MCTP1: variants seen among roughly 807,000 people sequenced by gnomAD.
MCTP1 encodes multiple C2 and transmembrane domain-containing protein 1.
MCTP1 carries 69 observed loss-of-function variants against 120.6 expected under a neutral mutation model. That is an observed-to-expected ratio of 0.57 (90% CI 0.47 to 0.70). The LOEUF (loss-of-function observed/expected upper bound fraction) is 0.70, where lower values mean the gene tolerates loss of function less well. MCTP1 is among the 30% of genes least tolerant of loss of function. The probability of loss-of-function intolerance (pLI) is 0.00; values close to 1 mark genes in which losing one functional copy is unlikely to be tolerated. For synonymous variants in MCTP1, 529 were observed against 493.1 expected (o/e 1.07, Z -0.96); for missense variants, 1,203 against 1,248.8 (o/e 0.96, Z 0.55).
At chr5:95,197,215 G>A (rs1750493920) in intron 1 of MCTP1, among the ~76,000 whole-genome samples, 1 of 152,146 alleles carries the variant, frequency 6.6e-6, no homozygotes, top group Admixed American at 6.5e-5. Flanking sequence ...GCAAAAACAA[G>A]TTATTTTTCA....
intron 1 of MCTP1, among the ~76,000 whole-genome samples, chr5:95,072,895 G>A (rs998414531): frequency 6.6e-6 from 1 of 151,978 alleles, no homozygotes; most frequent in East Asian, 1.9e-4. Context: ...ACAGGTGCCG[G>A]CCACCATACC....
At position 94,912,977 on chromosome 5, in the gene MCTP1, CT is replaced by C; in HGVS notation, c.1351-2del. On this transcript the variant is annotated splice_acceptor_variant, in intron 8 of 22. Transcript: ENST00000515393. LOFTEE classifies it high-confidence loss of function. ...ATAGGCGTAAACTTTGGGTCTGAAA[CT>C]TTTGGCAAATGAAAATTGAGTTAGG... is the stretch of plus-strand genomic sequence containing the variant. 1 of 1,584,510 alleles carries C rather than the reference CT, an allele frequency of 6.3e-7. No homozygotes were observed. The highest frequency in any genetic ancestry group is 2.4e-5 in the East Asian group (1 of 41,614).
At chr5:94,796,613 TAA>T (rs557522881) in intron 18 of MCTP1, among the ~76,000 whole-genome samples, 1,221 of 94,376 alleles carry the variant, frequency 0.013, 9 homozygotes, top group Middle Eastern at 0.051. Flanking sequence ...ATAATATATA[TAA>T]TATATATAAT....
At chr5:94,769,480 C>T (rs535199820) in intron 19 of MCTP1, among the ~76,000 whole-genome samples, 1 of 151,900 alleles carries the variant, frequency 6.6e-6, no homozygotes, top group Admixed American at 6.6e-5. Flanking sequence ...AGGTACAATT[C>T]TTATATATCA....
chr5:95,249,789 A>G (rs935487291), intron 1 of MCTP1, among the ~76,000 whole-genome samples: 3 of 152,224 alleles, frequency 2.0e-5, no homozygotes, highest in Non-Finnish European at 4.4e-5. Flanking sequence ...TGGATTAAGA[A>G]AATGTGGCAC....
chr5:94,747,217 G>GA (rs768254782), intron 19 of MCTP1, among the ~76,000 whole-genome samples: 6 of 152,078 alleles, frequency 3.9e-5, no homozygotes, highest in Non-Finnish European at 7.4e-5. Flanking sequence ...TTCTGTAATG[G>GA]AAAACTGATT....
intron 19 of MCTP1, among the ~76,000 whole-genome samples, chr5:94,715,413 C>T (rs1758826766): frequency 6.7e-6 from 1 of 148,408 alleles, no homozygotes; most frequent in African/African-American, 2.5e-5. Context: ...ACCTGGAATC[C>T]ACTATGTGGA....
intron 2 of MCTP1, among the ~76,000 whole-genome samples, chr5:94,958,489 T>C (rs1318407559): frequency 6.6e-6 from 1 of 152,054 alleles, no homozygotes; most frequent in African/African-American, 2.4e-5. Flanking sequence ...ACCTGGTTTT[T>C]GAAAAGATTA....
chr5:94,740,415 A>C (rs1765246333), intron 19 of MCTP1, among the ~76,000 whole-genome samples: 1 of 152,188 alleles, frequency 6.6e-6, no homozygotes, highest in Non-Finnish European at 1.5e-5. Context: ...AATTTTTTTT[A>C]GTGCATGCAG....
At chr5:94,887,522 G>T (rs1316600641) in intron 12 of MCTP1, among the ~76,000 whole-genome samples, 1 of 152,080 alleles carries the variant, frequency 6.6e-6, no homozygotes, top group Non-Finnish European at 1.5e-5. Context: ...AGAAATGATT[G>T]TGCCAGATTA....
intron 1 of MCTP1, among the ~76,000 whole-genome samples, chr5:95,275,946 G>C (rs935540004): frequency 6.6e-6 from 1 of 152,182 alleles, no homozygotes; most frequent in African/African-American, 2.4e-5. Flanking sequence ...CATGTGAGAT[G>C]TTTAAAAATA....
intron 1 of MCTP1, among the ~76,000 whole-genome samples, chr5:95,207,731 A>G (rs1057471772): frequency 2.6e-5 from 4 of 152,182 alleles, no homozygotes; most frequent in African/African-American, 9.7e-5. Flanking sequence ...TAGGTTCTCA[A>G]TAAATATTTA....
intron 9 of MCTP1, among the ~76,000 whole-genome samples, chr5:94,910,125 T>C (rs1048640276): frequency 6.6e-6 from 1 of 150,920 alleles, no homozygotes; most frequent in African/African-American, 2.5e-5. Context: ...TATATGTATG[T>C]ATACATGTAT....
At chr5:94,824,255 G>C (rs1207945146) in intron 17 of MCTP1, among the ~76,000 whole-genome samples, 4 of 152,112 alleles carry the variant, frequency 2.6e-5, no homozygotes. Flanking sequence ...TAGCATGAAG[G>C]GGTGTTGAAT....
chr5:94,789,750 T>A (rs1192520736), intron 18 of MCTP1: 1 of 152,204 alleles, frequency 6.6e-6, no homozygotes, highest in African/African-American at 2.4e-5. Context: ...TATCAGTTGT[T>A]TGTTTCTCTC....
At chr5:95,011,192 T>C (rs1440357441) in intron 2 of MCTP1, among the ~76,000 whole-genome samples, 2 of 152,136 alleles carry the variant, frequency 1.3e-5, no homozygotes, top group Non-Finnish European at 2.9e-5. Context: ...AAAATTCTAT[T>C]TCACATCATA....
intron 5 of MCTP1, among the ~76,000 whole-genome samples, chr5:94,934,763 A>G (rs1815764401): frequency 7.0e-6 from 1 of 142,832 alleles, no homozygotes; most frequent in Non-Finnish European, 1.5e-5. Flanking sequence ...TTTACTCATC[A>G]AAGGCCAACT....
intron 10 of MCTP1, 31 bp downstream of exon 10, chr5:94,909,220 G>T: frequency 1.2e-6 from 2 of 1,609,568 alleles, no homozygotes; most frequent in South Asian, 1.1e-5. Context: ...AATGCTCTAG[G>T]AGTGAACCAA....
Position 94,873,219 on chromosome 5 carries a change from C to A in MCTP1, c.1956G>T (p.Val652=), listed in dbSNP as rs779640897. ...DVTGKSDPFC[V]VELNNDRLLT... is the part of the protein sequence containing the mutation. The stretch of plus-strand genomic sequence containing the variant: ...GCAGTCTATCGTTGTTCAGTTCTAC[C>A]ACACAAAATGGGTCACTTTTTCCTA... The change falls in exon 13 of 23, where the codon GTG becomes GTT. Residue 652 remains valine, a synonymous_variant. Transcript: ENST00000515393. 11 of 1,607,984 alleles carry A rather than the reference C, an allele frequency of 6.8e-6. No homozygotes were observed. The African/African-American group carries it at 1.5e-4, about 22-fold the overall frequency.
Sources: gnomAD v4.1 joint callset for allele counts (sites outside exome capture counted in the v4.1 genomes callset) on GRCh38, gnomAD v4.1.1 for gene constraint, MANE v1.5 for transcripts, NCBI Gene and HGNC (gene_info 2026-07-23, HGNC 2026-07-21) for gene names.